ASTN2: variants seen among roughly 807,000 people sequenced by gnomAD.
The protein encoded by ASTN2 is astrotactin 2.
Under a neutral mutation model 139.8 loss-of-function variants are expected in ASTN2, and 54 were observed. That is an observed-to-expected ratio of 0.39 (90% CI 0.31 to 0.48). The LOEUF (loss-of-function observed/expected upper bound fraction) is 0.48. Among genes scored for constraint, ASTN2 ranks in the 20% least tolerant of loss-of-function variants. The pLI, the probability that ASTN2 is intolerant of heterozygous loss-of-function variation, is 0.95. For missense variants in ASTN2, 1,565 were observed against 1,725.1 expected (o/e 0.91, Z 1.64); for synonymous variants, 756 against 719.5 (o/e 1.05, Z -0.81).
At chr9:116,551,428 C>T (rs1339115706) in intron 19 of ASTN2, among the ~76,000 whole-genome samples, 3 of 152,118 alleles carry the variant, frequency 2.0e-5, no homozygotes, top group Non-Finnish European at 4.4e-5. Flanking sequence ...TCATCTGGGC[C>T]GTATAGACTA....
At chr9:117,238,961 T>C (rs1055621005) in intron 2 of ASTN2, among the ~76,000 whole-genome samples, 1 of 152,230 alleles carries the variant, frequency 6.6e-6, no homozygotes, top group South Asian at 2.1e-4. Context: ...TTCTCAGCTA[T>C]AAGATATTCC....
chr9:116,986,295 C>T (rs1420720561), intron 7 of ASTN2, among the ~76,000 whole-genome samples: 1 of 152,010 alleles, frequency 6.6e-6, no homozygotes, highest in Non-Finnish European at 1.5e-5. Flanking sequence ...CATCTCTGGT[C>T]CAGATCTTAC....
intron 1 of ASTN2, among the ~76,000 whole-genome samples, chr9:117,374,536 G>A (rs965318168): frequency 6.6e-6 from 1 of 152,170 alleles, no homozygotes; most frequent in African/African-American, 2.4e-5. Flanking sequence ...ACTGGGAGAG[G>A]CTGCATAGCT....
chr9:117,298,730 GTGTA>G (rs748454339), intron 1 of ASTN2, among the ~76,000 whole-genome samples: 10,930 of 131,798 alleles, frequency 0.083, 450 homozygotes, highest in East Asian at 0.18. Context: ...GTGTGTGTGT[GTGTA>G]TATATATATA....
chr9:116,443,613 G>T (rs968359801), intron 20 of ASTN2, among the ~76,000 whole-genome samples: 2 of 152,076 alleles, frequency 1.3e-5, no homozygotes, highest in Non-Finnish European at 2.9e-5. Flanking sequence ...TGTGACCCTT[G>T]TATTCCCAGA....
At position 117,291,477 on chromosome 9, in the gene ASTN2, T is replaced by G; in HGVS notation, c.479A>C (p.His160Pro). The change falls in exon 2 of 23, where the codon CAC (histidine) becomes CCC (proline). Residue 160 changes from histidine to proline, a missense_variant. Coordinates refer to ENST00000313400, the MANE Select transcript of ASTN2 (RefSeq NM_001365068.1). ...SGTAADISLVHWRQQWLENGT... is the reference protein window; with the variant it reads ...SGTAADISLVPWRQQWLENGT... ...ATTCTCCAGCCACTGCTGTCTCCAGTGCACCAGCGAGATGTCCGCTGCTGT... is the reference window on the plus strand; with the variant it reads ...ATTCTCCAGCCACTGCTGTCTCCAGGGCACCAGCGAGATGTCCGCTGCTGT... 1 of 1,613,200 alleles carries G rather than the reference T, an allele frequency of 6.2e-7. No homozygotes were observed. The highest frequency in any genetic ancestry group is 8.5e-7 in the Non-Finnish European group (1 of 1,179,536).
At chr9:117,296,021 T>G (rs1396657791) in intron 1 of ASTN2, among the ~76,000 whole-genome samples, 1 of 151,932 alleles carries the variant, frequency 6.6e-6, no homozygotes, top group Non-Finnish European at 1.5e-5. Context: ...GGCTCACACC[T>G]GTAATACCTG....
chr9:116,633,062 T>C (rs1193748477), intron 17 of ASTN2, among the ~76,000 whole-genome samples: 1 of 152,246 alleles, frequency 6.6e-6, no homozygotes, highest in Non-Finnish European at 1.5e-5. Context: ...TGCTCAGTCA[T>C]CGGGGCAATA....
intron 13 of ASTN2, among the ~76,000 whole-genome samples, chr9:116,786,188 A>G (rs1233824757): frequency 1.3e-5 from 2 of 152,098 alleles, no homozygotes; most frequent in Non-Finnish European, 1.5e-5. Flanking sequence ...GCCTTGTTTC[A>G]GATCTTTATA....
intron 19 of ASTN2, chr9:116,585,803 C>T (rs1280264248): frequency 6.6e-6 from 1 of 152,006 alleles, no homozygotes; most frequent in Non-Finnish European, 1.5e-5. Flanking sequence ...GCAACAAAAA[C>T]AAAAATTGAC....
At chr9:116,862,420 G>C (rs762877810) in intron 11 of ASTN2, among the ~76,000 whole-genome samples, 1 of 152,178 alleles carries the variant, frequency 6.6e-6, no homozygotes, top group African/African-American at 2.4e-5. Context: ...ACGTGTCACA[G>C]GTGACTTAAT....
intron 4 of ASTN2, among the ~76,000 whole-genome samples, chr9:117,128,104 G>A (rs1829741523): frequency 6.6e-6 from 1 of 152,008 alleles, no homozygotes; most frequent in Non-Finnish European, 1.5e-5. Flanking sequence ...TCCTGGGTGG[G>A]GGCTACAAGA....
chr9:117,083,175 T>A (rs1828472593), intron 5 of ASTN2, among the ~76,000 whole-genome samples: 1 of 152,136 alleles, frequency 6.6e-6, no homozygotes, highest in South Asian at 2.1e-4. Context: ...GCAAAGAGTC[T>A]CAGTGGAATT....
chr9:116,449,874 A>G (rs1327742650), intron 20 of ASTN2, among the ~76,000 whole-genome samples: 1 of 152,168 alleles, frequency 6.6e-6, no homozygotes, highest in African/African-American at 2.4e-5. Flanking sequence ...CAGATGGATG[A>G]GTAAAGGAGC....
At chr9:117,102,720 C>T (rs1212811486) in intron 4 of ASTN2, among the ~76,000 whole-genome samples, 2 of 152,000 alleles carry the variant, frequency 1.3e-5, no homozygotes, top group Non-Finnish European at 1.5e-5. Flanking sequence ...CGGGGATTCA[C>T]CGTGTTGGCC....
chr9:116,429,845 T>C (rs915841221), intron 22 of ASTN2, among the ~76,000 whole-genome samples: 1 of 152,122 alleles, frequency 6.6e-6, no homozygotes, highest in Non-Finnish European at 1.5e-5. Flanking sequence ...TGGACACCAG[T>C]CATCAGTTTG....
chr9:116,775,399 G>A (rs1830055004), intron 13 of ASTN2, among the ~76,000 whole-genome samples: 1 of 150,708 alleles, frequency 6.6e-6, no homozygotes, highest in African/African-American at 2.4e-5. Context: ...CCACAAGAAA[G>A]GAAGGAAGGA....
intron 1 of ASTN2, among the ~76,000 whole-genome samples, chr9:117,375,531 C>T (rs190108464): frequency 5.5e-4 from 84 of 152,320 alleles, no homozygotes; most frequent in Admixed American, 4.6e-4. Flanking sequence ...TGATCTTATA[C>T]AGTCCTCATA....
chr9:117,394,152 T>C (rs1401231033), intron 1 of ASTN2, among the ~76,000 whole-genome samples: 1 of 152,168 alleles, frequency 6.6e-6, no homozygotes, highest in Non-Finnish European at 1.5e-5. Context: ...CATTAATTGG[T>C]AGCACCTATT....
Sources: allele counts gnomAD v4.1 joint callset (sites outside exome capture counted in the v4.1 genomes callset), GRCh38; gene constraint gnomAD v4.1.1; transcripts MANE v1.5; gene names NCBI Gene and HGNC (gene_info 2026-07-23, HGNC 2026-07-21).